SOX5: variants seen among roughly 807,000 people sequenced by gnomAD.
The protein encoded by SOX5 is transcription factor SOX-5.
SOX5 carries 9 observed loss-of-function variants against 92.0 expected under a neutral mutation model. The observed-to-expected ratio is 0.10, with a 90% CI of 0.06 to 0.17. The LOEUF is 0.17. SOX5 is among the 10% of genes least tolerant of loss of function. The pLI, the probability that SOX5 is intolerant of heterozygous loss-of-function variation, is 1.00. For synonymous variants in SOX5, 344 were observed against 336.3 expected, an observed-to-expected ratio of 1.02 and a Z score of -0.25; for missense variants, 642 against 944.5, an observed-to-expected ratio of 0.68 and a Z score of 4.20.
At chr12:23,790,135 A>G (rs956618140) in intron 3 of SOX5, among the ~76,000 whole-genome samples, 2 of 152,164 alleles carry the variant, frequency 1.3e-5, no homozygotes, top group African/African-American at 4.8e-5. Flanking sequence ...TCACTATGAT[A>G]ATAACTATAA....
At chr12:23,987,226 AATG>A (rs1379734721) in intron 4 of SOX5, among the ~76,000 whole-genome samples, 1 of 152,214 alleles carries the variant, frequency 6.6e-6, no homozygotes, top group Non-Finnish European at 1.5e-5. Flanking sequence ...AATTAAAATG[AATG>A]ATGTCATCAA....
At chr12:24,485,677 G>A (rs1356294938) in intron 1 of SOX5, among the ~76,000 whole-genome samples, 1 of 151,960 alleles carries the variant, frequency 6.6e-6, no homozygotes, top group Non-Finnish European at 1.5e-5. Flanking sequence ...ATCAATAATT[G>A]GTAACTATTA....
At chr12:24,442,946 TA>T (rs1408111208) in intron 1 of SOX5, among the ~76,000 whole-genome samples, 1 of 124,818 alleles carries the variant, frequency 8.0e-6, no homozygotes, top group Non-Finnish European at 1.6e-5. Flanking sequence ...TTTAAGTTTA[TA>T]ATTTTTTTTT....
chr12:24,138,819 C>T (rs1274567759), intron 4 of SOX5, among the ~76,000 whole-genome samples: 1 of 152,112 alleles, frequency 6.6e-6, no homozygotes, highest in Admixed American at 6.5e-5. Flanking sequence ...ACAGGATGAT[C>T]CTAGAGATAT....
chr12:24,115,488 A>C (rs1947893280), intron 4 of SOX5, among the ~76,000 whole-genome samples: 1 of 152,206 alleles, frequency 6.6e-6, no homozygotes, highest in Non-Finnish European at 1.5e-5. Flanking sequence ...CCTTAAAAAC[A>C]ACCAGAATAC....
intron 6 of SOX5, among the ~76,000 whole-genome samples, chr12:23,701,280 C>T (rs1172437685): frequency 6.6e-6 from 1 of 151,940 alleles, no homozygotes; most frequent in Non-Finnish European, 1.5e-5. Context: ...TTGTTATCTC[C>T]AACAGAACTA....
chr12:24,522,715 C>T (rs1364596356), intron 1 of SOX5, among the ~76,000 whole-genome samples: 1 of 152,094 alleles, frequency 6.6e-6, no homozygotes, highest in Non-Finnish European at 1.5e-5. Flanking sequence ...CAAAATTCAA[C>T]ACCCTTTCAT....
intron 4 of SOX5, among the ~76,000 whole-genome samples, chr12:24,006,678 T>A (rs1425593931): frequency 6.6e-6 from 1 of 152,088 alleles, no homozygotes; most frequent in Non-Finnish European, 1.5e-5. Flanking sequence ...TCCTTGTCCA[T>A]ATTCTCCGAT....
intron 1 of SOX5, among the ~76,000 whole-genome samples, chr12:23,918,738 G>A (rs2097446315): frequency 6.6e-6 from 1 of 151,708 alleles, no homozygotes. Flanking sequence ...CCAACGTGGT[G>A]AAACCCCGTC....
chr12:24,059,188 C>A (rs1939182547), intron 4 of SOX5, among the ~76,000 whole-genome samples: 1 of 152,132 alleles, frequency 6.6e-6, no homozygotes, highest in South Asian at 2.1e-4. Context: ...TAAGAGATTT[C>A]AATATTGAAA....
At chr12:23,730,586 A>G (rs1047537097) in intron 6 of SOX5, among the ~76,000 whole-genome samples, 1 of 152,220 alleles carries the variant, frequency 6.6e-6, no homozygotes, top group Non-Finnish European at 1.5e-5. Context: ...GTAACCCTAC[A>G]AAGTCTTTAT....
At chr12:23,782,474 G>A (rs2095300592) in intron 3 of SOX5, among the ~76,000 whole-genome samples, 1 of 152,114 alleles carries the variant, frequency 6.6e-6, no homozygotes, top group Non-Finnish European at 1.5e-5. Flanking sequence ...CAAAAAGTCA[G>A]GGAGAAAGTT....
intron 3 of SOX5, among the ~76,000 whole-genome samples, chr12:24,233,894 T>G (rs749190147): frequency 4.6e-5 from 7 of 152,222 alleles, no homozygotes; most frequent in Non-Finnish European, 1.0e-4. Flanking sequence ...GATCAGAACT[T>G]GTACCATGAC....
chr12:24,325,483 C>T (rs1297074050), intron 2 of SOX5, among the ~76,000 whole-genome samples: 1 of 152,094 alleles, frequency 6.6e-6, no homozygotes, highest in Non-Finnish European at 1.5e-5. Context: ...ACCAAGATGG[C>T]AGGATACACA....
At chr12:24,529,594 G>A (rs1182933614) in intron 1 of SOX5, among the ~76,000 whole-genome samples, 2 of 152,294 alleles carry the variant, frequency 1.3e-5, no homozygotes, top group Admixed American at 6.5e-5. Context: ...GGGAGATATC[G>A]TCAACACTTG....
chr12:24,388,466 T>C (rs912392787), intron 1 of SOX5, among the ~76,000 whole-genome samples: 3 of 152,092 alleles, frequency 2.0e-5, no homozygotes, highest in African/African-American at 7.2e-5. Flanking sequence ...CGGTGATGTC[T>C]CTCCATTCAG....
At chr12:24,171,479 T>TC (rs1954159434) in intron 4 of SOX5, among the ~76,000 whole-genome samples, 1 of 152,050 alleles carries the variant, frequency 6.6e-6, no homozygotes, top group African/African-American at 2.4e-5. Context: ...CGCCTCGGCT[T>TC]CCCAAAGGGC....
intron 4 of SOX5, among the ~76,000 whole-genome samples, chr12:23,987,680 C>G (rs1372582128): frequency 6.6e-6 from 1 of 152,170 alleles, no homozygotes; most frequent in East Asian, 1.9e-4. Context: ...ATAGTCCCAG[C>G]TACGAGGGAG....
At chr12:24,071,090 C>T (rs1340886516) in intron 4 of SOX5, among the ~76,000 whole-genome samples, 1 of 152,146 alleles carries the variant, frequency 6.6e-6, no homozygotes, top group Non-Finnish European at 1.5e-5. Context: ...GTTTGCCAGA[C>T]AAAGGATAAG....
Sources: gnomAD v4.1 joint callset for allele counts (sites outside exome capture counted in the v4.1 genomes callset) on GRCh38, gnomAD v4.1.1 for gene constraint, MANE v1.5 for transcripts, NCBI Gene and HGNC (gene_info 2026-07-23, HGNC 2026-07-21) for gene names.